TENM3: variants seen among roughly 807,000 people sequenced by gnomAD.
TENM3 encodes teneurin-3.
A neutral mutation model predicts 255.1 loss-of-function variants in TENM3; 63 were observed. That is an observed-to-expected ratio of 0.25 (90% CI 0.20 to 0.30). The LOEUF (loss-of-function observed/expected upper bound fraction) is 0.30, where lower values mean the gene tolerates loss of function less well. Ranked by LOEUF, TENM3 falls within the 10% of genes least tolerant of loss-of-function variation. The pLI is 1.00. For missense variants in TENM3, 2,929 were observed against 3,461.1 expected (o/e 0.85, Z 3.86); for synonymous variants, 1,306 against 1,322.3 (o/e 0.99, Z 0.27).
chr4:181,946,054 GTTC>G, the TENM3 span, among the ~76,000 whole-genome samples: 15 of 151,862 alleles, frequency 9.9e-5, no homozygotes, highest in Admixed American at 6.6e-5. Flanking sequence ...GCACACTTTT[GTTC>G]TTCTTCATTA....
chr4:182,437,328 C>T (rs1772122768), intron 3 of TENM3, among the ~76,000 whole-genome samples: 1 of 152,002 alleles, frequency 6.6e-6, no homozygotes, highest in South Asian at 2.1e-4. Context: ...AAGGGAAAAA[C>T]CTTAAGAAAA....
At chr4:181,981,516 A>T in the TENM3 span, among the ~76,000 whole-genome samples, 14 of 152,340 alleles carry the variant, frequency 9.2e-5, no homozygotes, top group African/African-American at 3.4e-4. Context: ...TTATAAGTAG[A>T]TTACATTAAT....
At chr4:181,989,595 A>G in the TENM3 span, among the ~76,000 whole-genome samples, 2,018 of 152,212 alleles carry the variant, frequency 0.013, 41 homozygotes, top group African/African-American at 0.045. Context: ...TTCCTGACAC[A>G]TTGTGTAGGA....
the TENM3 span, among the ~76,000 whole-genome samples, chr4:181,889,188 C>T: frequency 8.5e-5 from 13 of 152,188 alleles, no homozygotes; most frequent in East Asian, 9.7e-4. Flanking sequence ...GGGGATATTG[C>T]ATCACAGGGC....
chr4:182,789,032 C>A lies in TENM3; in HGVS notation c.5305-61C>A. Reference sequence around the variant, plus strand: ...CATCGTAAATGGTGTTTAAACAATACTGGGGACTCCGGTGTTGGAATAACA... The same window carrying A: ...CATCGTAAATGGTGTTTAAACAATAATGGGGACTCCGGTGTTGGAATAACA... On this transcript the variant is annotated intron_variant, in intron 24 of 27. Transcript: ENST00000511685. This position sits in a 1 kb window ranked among gnomAD's most constrained non-coding sequence, Gnocchi z 4.4. 7.1e-7 allele frequency: 1 copy of A among 1,414,740 alleles called. No homozygotes were observed. The highest frequency in any genetic ancestry group is 9.6e-7 in the Non-Finnish European group (1 of 1,044,676). 87.6% of individuals were successfully genotyped at this position (1,414,740 alleles called of 1,614,324 possible).
chr4:181,824,134 C>T, the TENM3 span, among the ~76,000 whole-genome samples: 6 of 152,110 alleles, frequency 3.9e-5, no homozygotes, highest in Admixed American at 2.6e-4. Context: ...TGGAGTCTCA[C>T]TCTGCCACTC....
At chr4:182,317,153 A>G (rs1762796185) in intron 1 of TENM3, among the ~76,000 whole-genome samples, 1 of 152,176 alleles carries the variant, frequency 6.6e-6, no homozygotes, top group African/African-American at 2.4e-5. Context: ...GTTTACTGTC[A>G]TGTGTAAAGA....
chr4:182,732,531 T>TAATAATGG (rs1279884157), intron 16 of TENM3, among the ~76,000 whole-genome samples: 2 of 152,188 alleles, frequency 1.3e-5, no homozygotes, highest in Non-Finnish European at 2.9e-5. Context: ...TTAGGTGTAA[T>TAATAATGG]AATAATGGAT....
chr4:181,807,352 G>A, the TENM3 span, among the ~76,000 whole-genome samples: 3 of 152,036 alleles, frequency 2.0e-5, no homozygotes, highest in Non-Finnish European at 2.9e-5. Context: ...CCAATCCTTC[G>A]AACACTTTTT....
chr4:181,623,310 G>A, the TENM3 span, among the ~76,000 whole-genome samples: 2 of 152,120 alleles, frequency 1.3e-5, no homozygotes, highest in South Asian at 2.1e-4. Context: ...GAATTACTAC[G>A]TGTAAAGTCC....
Position 182,604,168 on chromosome 4 carries a change from T to G in TENM3, c.749+3007T>G, listed in dbSNP as rs184374375. Among the ~76,000 whole-genome samples, 733 of 152,310 alleles carry G rather than the reference T, an allele frequency of 4.8e-3. 5 individuals carry two copies. The highest frequency in any genetic ancestry group is 0.016 in the African/African-American group (659 of 41,574). ...TTTCTCTAATGAATTTAACATTTGC[T>G]CCTGCTGGAGACAATCAATGTGACT... On this transcript the variant is annotated intron_variant, in intron 4 of 27. Coordinates refer to ENST00000511685, the MANE Select transcript of TENM3 (RefSeq NM_001080477.4).
chr4:181,736,448 G>A, the TENM3 span, among the ~76,000 whole-genome samples: 7 of 152,054 alleles, frequency 4.6e-5, no homozygotes, highest in East Asian at 1.2e-3. Context: ...CCAGAGCTTC[G>A]TTATAGCTTG....
intron 3 of TENM3, among the ~76,000 whole-genome samples, chr4:182,564,971 T>C (rs1008495498): frequency 6.6e-6 from 1 of 152,236 alleles, no homozygotes. Flanking sequence ...GTCTTACTTA[T>C]CTCCTGTTGT....
the TENM3 span, among the ~76,000 whole-genome samples, chr4:181,561,564 T>C: frequency 6.6e-6 from 1 of 152,202 alleles, no homozygotes; most frequent in Non-Finnish European, 1.5e-5. Context: ...ATTATTACTT[T>C]ATAAATCACT....
intron 24 of TENM3, among the ~76,000 whole-genome samples, chr4:182,781,524 T>G (rs1204375094): frequency 1.3e-5 from 2 of 152,154 alleles, no homozygotes; most frequent in Non-Finnish European, 2.9e-5. Context: ...TTCTTTTTTG[T>G]TGTGTCTCTG....
chr4:181,825,213 C>T, the TENM3 span, among the ~76,000 whole-genome samples: 1 of 152,060 alleles, frequency 6.6e-6, no homozygotes, highest in Admixed American at 6.5e-5. Context: ...CCATCCTGGA[C>T]AACATGGTGA....
intron 3 of TENM3, among the ~76,000 whole-genome samples, chr4:182,354,296 C>T (rs1765380318): frequency 6.6e-6 from 1 of 152,086 alleles, no homozygotes; most frequent in East Asian, 1.9e-4. Context: ...ATGAATGTAC[C>T]AAAACTGATG....
intron 1 of TENM3, among the ~76,000 whole-genome samples, chr4:182,236,994 C>T (rs996041917): frequency 2.0e-5 from 3 of 152,170 alleles, no homozygotes; most frequent in African/African-American, 7.2e-5. Context: ...TGCTCTCCTC[C>T]TTGTCCTCCT....
the TENM3 span, among the ~76,000 whole-genome samples, chr4:181,945,993 G>C: frequency 6.6e-6 from 1 of 151,866 alleles, no homozygotes; most frequent in Non-Finnish European, 1.5e-5. Flanking sequence ...GGTCCCTATT[G>C]TTCCATAACT....
Sources: allele counts gnomAD v4.1 joint callset (sites outside exome capture counted in the v4.1 genomes callset), GRCh38; gene constraint gnomAD v4.1.1; non-coding constraint Gnocchi (gnomAD v3.1); transcripts MANE v1.5; gene names NCBI Gene and HGNC (gene_info 2026-07-23, HGNC 2026-07-21).